ABLIM1: variants seen among roughly 807,000 people sequenced by gnomAD.
ABLIM1 encodes actin-binding LIM protein 1.
A neutral mutation model predicts 107.0 loss-of-function variants in ABLIM1; 40 were observed. That is an observed-to-expected ratio of 0.37 (90% CI 0.29 to 0.49). ABLIM1 has a LOEUF of 0.49. ABLIM1 is among the 20% of genes least tolerant of loss of function. ABLIM1 has a pLI of 0.97. For synonymous variants in ABLIM1, 357 were observed against 357.3 expected, an observed-to-expected ratio of 1.00 and a Z score of 0.01; for missense variants, 857 against 1,008.5, an observed-to-expected ratio of 0.85 and a Z score of 2.04.
chr10:114,572,940 C>T (rs1591313263), intron 3 of ABLIM1, among the ~76,000 whole-genome samples: 1 of 152,136 alleles, frequency 6.6e-6, no homozygotes, highest in East Asian at 1.9e-4. Flanking sequence ...CTGTTGCATG[C>T]CCAGAGGCAC....
At chr10:114,612,407 T>C (rs1252793695) in intron 1 of ABLIM1, among the ~76,000 whole-genome samples, 1 of 152,188 alleles carries the variant, frequency 6.6e-6, no homozygotes, top group African/African-American at 2.4e-5. Context: ...TCAGGAACCA[T>C]AAGAAATAAA....
intron 5 of ABLIM1, among the ~76,000 whole-genome samples, chr10:114,545,414 G>A (rs1233798290): frequency 6.6e-6 from 1 of 152,146 alleles, no homozygotes; most frequent in East Asian, 1.9e-4. Context: ...CTCTCCACAG[G>A]CCCCCTGGGC....
At chr10:114,463,573 G>GC (rs527694336) in intron 12 of ABLIM1, among the ~76,000 whole-genome samples, 1 of 150,426 alleles carries the variant, frequency 6.6e-6, no homozygotes, top group Non-Finnish European at 1.5e-5. Context: ...TAAGGGTCAG[G>GC]TTTTTTTTTT....
chr10:114,656,760 C>T (rs1017985129), intron 1 of ABLIM1, among the ~76,000 whole-genome samples: 1 of 152,148 alleles, frequency 6.6e-6, no homozygotes, highest in Non-Finnish European at 1.5e-5. Context: ...GAATAAAGTA[C>T]TGACACGTGC....
At position 114,444,140 on chromosome 10, in the gene ABLIM1, C is replaced by T; in HGVS notation, c.1828-6G>A. 1 of 1,403,360 alleles carries T rather than the reference C, an allele frequency of 7.1e-7. No homozygotes were observed. Among genetic ancestry groups the T allele is most frequent in the Non-Finnish European group, 9.6e-7 (1 of 1,040,474 alleles). 86.9% of individuals were successfully genotyped at this position (1,403,360 alleles called of 1,614,324 possible). On this transcript the variant is annotated splice_polypyrimidine_tract_variant and splice_region_variant and intron_variant, in intron 16 of 22. Coordinates refer to ENST00000533213, the MANE Select transcript of ABLIM1 (RefSeq NM_002313.7). Reference sequence around the variant, plus strand: ...TGTCCCAGGCCTGAGTTAAGCTATTCACAGAAAAAAGGAAAAAAAAAAAAA... The same window carrying T: ...TGTCCCAGGCCTGAGTTAAGCTATTTACAGAAAAAAGGAAAAAAAAAAAAA...
chr10:114,776,316 T>C, the ABLIM1 span, among the ~76,000 whole-genome samples: 3,411 of 152,254 alleles, frequency 0.022, 35 homozygotes, highest in Middle Eastern at 0.092. Context: ...TTTCCTTTGT[T>C]AAAAAACGTA....
At chr10:114,508,350 T>C (rs981291108) in intron 6 of ABLIM1, among the ~76,000 whole-genome samples, 2 of 152,172 alleles carry the variant, frequency 1.3e-5, no homozygotes, top group African/African-American at 2.4e-5. Context: ...GATGGTTACA[T>C]TAAAGGACCT....
intron 6 of ABLIM1, among the ~76,000 whole-genome samples, chr10:114,513,548 G>A (rs961178050): frequency 1.3e-5 from 2 of 152,170 alleles, no homozygotes; most frequent in Non-Finnish European, 2.9e-5. Flanking sequence ...TCATCTAGTC[G>A]ACATGCTTCA....
chr10:114,521,902 A>G (rs759666092), intron 6 of ABLIM1, among the ~76,000 whole-genome samples: 1 of 152,202 alleles, frequency 6.6e-6, no homozygotes, highest in Admixed American at 6.5e-5. Flanking sequence ...CTAAAACAGA[A>G]CCAGGGGAGA....
chr10:114,491,008 G>GTATATATATATATATATA (rs1347498391), intron 7 of ABLIM1, among the ~76,000 whole-genome samples: 1 of 86,518 alleles, frequency 1.2e-5, no homozygotes, highest in East Asian at 4.5e-4. Context: ...GTGTGTGTGT[G>GTATATATATATATATATA]TGTGTATATA....
At position 114,644,280 on chromosome 10, in the gene ABLIM1, C is replaced by CAAAAAAAAA. The variant is rs1170954656; in HGVS notation, c.244+13668_244+13676dup. ...TGGGTGACAGAGTGAGACTCCATCT[C>CAAAAAAAAA]AAAAAAAAAAAAAAAAAAAAAAAAA... On this transcript the variant is annotated intron_variant, in intron 1 of 22. Coordinates refer to ENST00000533213, the MANE Select transcript of ABLIM1 (RefSeq NM_002313.7). 2.1e-4 allele frequency among the ~76,000 whole-genome samples: 4 copies of CAAAAAAAAA among 18,640 alleles called. 1 individual carries two copies. The highest frequency in any genetic ancestry group is 5.1e-4 in the African/African-American group (3 of 5,918). The allele number at this position is 18,640 out of a possible 152,430, so 12.2% of individuals were successfully genotyped here.
intron 1 of ABLIM1, among the ~76,000 whole-genome samples, chr10:114,721,577 G>A (rs574644270): frequency 3.9e-5 from 6 of 152,202 alleles, no homozygotes; most frequent in Admixed American, 3.9e-4. Flanking sequence ...TGCCTCCCAG[G>A]TTCAAATGAT....
intron 1 of ABLIM1, among the ~76,000 whole-genome samples, chr10:114,691,700 G>A (rs1038724326): frequency 2.0e-5 from 3 of 152,170 alleles, no homozygotes; most frequent in African/African-American, 7.2e-5. Flanking sequence ...AACAGATGAA[G>A]CATTGGGTTA....
the ABLIM1 span, among the ~76,000 whole-genome samples, chr10:114,790,175 T>G: frequency 6.6e-6 from 1 of 151,756 alleles, no homozygotes; most frequent in African/African-American, 2.4e-5. Context: ...AAAATCTTTC[T>G]TTTGCTTAGG....
intron 8 of ABLIM1, among the ~76,000 whole-genome samples, chr10:114,478,736 G>A (rs11196759): frequency 0.018 from 2,693 of 152,232 alleles, 43 homozygotes; most frequent in East Asian, 0.059. Flanking sequence ...TTATAGCAGC[G>A]TGAAAATGGA....
chr10:114,474,773 C>T (rs2067282018), intron 8 of ABLIM1, among the ~76,000 whole-genome samples: 2 of 152,190 alleles, frequency 1.3e-5, no homozygotes, highest in South Asian at 2.1e-4. Flanking sequence ...CCACGTTTCA[C>T]CTTGAATTGT....
intron 2 of ABLIM1, among the ~76,000 whole-genome samples, chr10:114,586,709 T>C (rs1214367166): frequency 6.6e-6 from 1 of 152,136 alleles, no homozygotes. Context: ...ATAGAATAAA[T>C]GGCACATCTA....
At chr10:114,794,649 T>C in the ABLIM1 span, among the ~76,000 whole-genome samples, 6 of 152,224 alleles carry the variant, frequency 3.9e-5, no homozygotes, top group African/African-American at 1.4e-4. Flanking sequence ...TAAAATAAAA[T>C]TCAAACTACA....
chr10:114,496,783 C>A (rs557028350), intron 6 of ABLIM1, among the ~76,000 whole-genome samples: 7 of 152,180 alleles, frequency 4.6e-5, no homozygotes, highest in Non-Finnish European at 1.0e-4. Context: ...TCAAGACATT[C>A]GGTGAGCCAG....
Sources: gnomAD v4.1 joint callset for allele counts (sites outside exome capture counted in the v4.1 genomes callset) on GRCh38, gnomAD v4.1.1 for gene constraint, MANE v1.5 for transcripts, NCBI Gene and HGNC (gene_info 2026-07-23, HGNC 2026-07-21) for gene names.